The following RARB variants were observed in gnomAD, a reference collection of about 807,000 sequenced individuals.
RARB encodes HBV-activated protein.
Under a neutral mutation model 51.9 loss-of-function variants are expected in RARB, and 17 were observed. That is an observed-to-expected ratio of 0.33 (90% CI 0.22 to 0.49). The LOEUF (loss-of-function observed/expected upper bound fraction) is 0.49. Ranked by LOEUF, RARB falls within the 20% of genes least tolerant of loss-of-function variation. The pLI is 0.99. For synonymous variants in RARB, 215 were observed against 195.4 expected, an observed-to-expected ratio of 1.10 and a Z score of -0.84; for missense variants, 369 against 550.8, an observed-to-expected ratio of 0.67 and a Z score of 3.30.
At chr3:25,131,724 G>A (rs528012685) in intron 3 of RARB, among the ~76,000 whole-genome samples, 4 of 151,944 alleles carry the variant, frequency 2.6e-5, no homozygotes, top group African/African-American at 7.2e-5. Flanking sequence ...TGTCCAGTGG[G>A]AGAAGAGACA....
chr3:25,484,704 T>A (rs1696379882), intron 2 of RARB, among the ~76,000 whole-genome samples: 1 of 152,230 alleles, frequency 6.6e-6, no homozygotes, highest in African/African-American at 2.4e-5. Context: ...TCTGTGATGG[T>A]AGAGTTGAGT....
intron 5 of RARB, among the ~76,000 whole-genome samples, chr3:25,411,983 G>A (rs1707574245): frequency 6.6e-6 from 1 of 152,196 alleles, no homozygotes; most frequent in Non-Finnish European, 1.5e-5. Flanking sequence ...AAAACTGCAA[G>A]TGGAATCACC....
intron 3 of RARB, among the ~76,000 whole-genome samples, chr3:25,531,387 GGTAGATAGATAGATAGA>G (rs1698903676): frequency 2.9e-5 from 3 of 102,808 alleles, no homozygotes; most frequent in African/African-American, 1.6e-4. Flanking sequence ...TAGATAGATA[GGTAGATAGATAGATAGA>G]TAGATAGATA....
chr3:25,111,222 T>C (rs1439951763), intron 3 of RARB, among the ~76,000 whole-genome samples: 2 of 152,216 alleles, frequency 1.3e-5, no homozygotes, highest in African/African-American at 4.8e-5. Context: ...ATAAAGCTTT[T>C]AGAAGAAAAT....
At chr3:25,420,795 G>A (rs2125506719) in intron 5 of RARB, among the ~76,000 whole-genome samples, 1 of 152,194 alleles carries the variant, frequency 6.6e-6, no homozygotes, top group Middle Eastern at 3.4e-3. Flanking sequence ...ATTGGTGGAT[G>A]GATGAGTAAA....
chr3:24,928,020 G>C (rs1288295470), intron 2 of RARB, among the ~76,000 whole-genome samples: 1 of 152,072 alleles, frequency 6.6e-6, no homozygotes, highest in Non-Finnish European at 1.5e-5. Flanking sequence ...TAGGAAAGGA[G>C]ACACCCAAGG....
At chr3:25,525,201 C>G (rs1344486991) in intron 3 of RARB, among the ~76,000 whole-genome samples, 2 of 152,142 alleles carry the variant, frequency 1.3e-5, no homozygotes, top group African/African-American at 4.8e-5. Context: ...ATAGAACACT[C>G]AAAGATCTAG....
intron 5 of RARB, among the ~76,000 whole-genome samples, chr3:25,277,769 T>C (rs322707): frequency 0.59 from 89,902 of 152,018 alleles, 28,019 homozygotes; most frequent in Admixed American, 0.71. Flanking sequence ...AAATTTGTAT[T>C]GAAGTATAGC....
chr3:25,406,273 T>C (rs1173748738), intron 5 of RARB, among the ~76,000 whole-genome samples: 1 of 152,158 alleles, frequency 6.6e-6, no homozygotes, highest in Non-Finnish European at 1.5e-5. Context: ...TCCTCCTGTA[T>C]ATAGGAAGGG....
chr3:25,422,122 G>A (rs1237920519), intron 5 of RARB, among the ~76,000 whole-genome samples: 1 of 152,164 alleles, frequency 6.6e-6, no homozygotes, highest in Non-Finnish European at 1.5e-5. Context: ...GAGTTTAAAA[G>A]CCGACTAACA....
intron 3 of RARB, among the ~76,000 whole-genome samples, chr3:25,538,962 A>G (rs576327753): frequency 2.1e-4 from 32 of 152,364 alleles, no homozygotes; most frequent in Admixed American, 1.8e-3. Context: ...CTAATCACAG[A>G]CAAGTTGAAG....
intron 3 of RARB, among the ~76,000 whole-genome samples, chr3:25,504,557 A>G (rs1318811283): frequency 6.6e-6 from 1 of 152,132 alleles, no homozygotes; most frequent in African/African-American, 2.4e-5. Flanking sequence ...AGTGTGGAAG[A>G]AAATGTTCCT....
At chr3:25,088,106 A>C (rs1487431191) in intron 3 of RARB, among the ~76,000 whole-genome samples, 1 of 152,034 alleles carries the variant, frequency 6.6e-6, no homozygotes, top group African/African-American at 2.4e-5. Context: ...AAGCAATTTC[A>C]CAGTAGGGAT....
chr3:25,095,650 T>C (rs374842721), intron 3 of RARB, among the ~76,000 whole-genome samples: 38 of 152,110 alleles, frequency 2.5e-4, no homozygotes, highest in African/African-American at 8.9e-4. Context: ...GATTTCCTGG[T>C]GGTGTAGGTT....
chr3:25,130,769 T>G (rs1699932575), intron 3 of RARB, among the ~76,000 whole-genome samples: 1 of 151,912 alleles, frequency 6.6e-6, no homozygotes, highest in Non-Finnish European at 1.5e-5. Flanking sequence ...TGCTATCTCC[T>G]GCAGCCTCAT....
At chr3:25,171,070 T>G (rs1318845065) in intron 4 of RARB, among the ~76,000 whole-genome samples, 6 of 152,142 alleles carry the variant, frequency 3.9e-5, no homozygotes, top group Non-Finnish European at 7.3e-5. Context: ...AAATGCAGTT[T>G]GAGAAACTTG....
intron 3 of RARB, among the ~76,000 whole-genome samples, chr3:25,111,029 C>T (rs1015768445): frequency 6.6e-6 from 1 of 152,172 alleles, no homozygotes; most frequent in Admixed American, 6.6e-5. Context: ...AACATCTTGG[C>T]TCTCTTTCCA....
chr3:25,058,477 A>G (rs761912018), intron 2 of RARB, among the ~76,000 whole-genome samples: 27 of 150,874 alleles, frequency 1.8e-4, no homozygotes, highest in Non-Finnish European at 1.8e-4. Flanking sequence ...TGAAATCTGT[A>G]CTAAATCAAC....
intron 2 of RARB, among the ~76,000 whole-genome samples, chr3:25,002,890 G>T (rs1559429488): frequency 6.6e-6 from 1 of 151,980 alleles, no homozygotes; most frequent in Non-Finnish European, 1.5e-5. Flanking sequence ...TATATAAAAT[G>T]CTTAGAAAAG....
Sources: gnomAD v4.1 joint callset for allele counts (sites outside exome capture counted in the v4.1 genomes callset) on GRCh38, gnomAD v4.1.1 for gene constraint, MANE v1.5 for transcripts, NCBI Gene and HGNC (gene_info 2026-07-23, HGNC 2026-07-21) for gene names.